CDC14B: variants seen among roughly 807,000 people sequenced by gnomAD.
The protein encoded by CDC14B is cell division cycle 14B, also known as dual specificity protein phosphatase CDC14B.
CDC14B carries 22 observed loss-of-function variants against 64.2 expected under a neutral mutation model. The observed-to-expected ratio is 0.34, with a 90% confidence interval of 0.24 to 0.49. The LOEUF is 0.49. Among genes scored for constraint, CDC14B ranks in the 20% least tolerant of loss-of-function variants. The pLI is 0.99. For synonymous variants in CDC14B, 191 were observed against 215.8 expected (o/e 0.89, Z 1.01); for missense variants, 498 against 629.9 (o/e 0.79, Z 2.24).
intron 4 of CDC14B, among the ~76,000 whole-genome samples, chr9:96,558,234 T>C (rs1473086193): frequency 2.0e-5 from 3 of 152,198 alleles, no homozygotes; most frequent in Admixed American, 2.0e-4. Context: ...TAGTGTTAGA[T>C]AGCACAGTAG....
chr9:96,577,936 T>G (rs188003701), intron 1 of CDC14B, among the ~76,000 whole-genome samples: 2 of 152,334 alleles, frequency 1.3e-5, no homozygotes, highest in African/African-American at 4.8e-5. Context: ...TGCCTGAGGC[T>G]ACAGCCACAC....
intron 1 of CDC14B, among the ~76,000 whole-genome samples, chr9:96,582,829 A>T (rs1431626415): frequency 6.6e-6 from 1 of 152,206 alleles, no homozygotes; most frequent in Admixed American, 6.5e-5. Context: ...TACTAATTAA[A>T]TTGATCAGGA....
chr9:96,615,814 CA>C (rs775655564), intron 1 of CDC14B, among the ~76,000 whole-genome samples: 90 of 152,250 alleles, frequency 5.9e-4, no homozygotes, highest in Non-Finnish European at 1.2e-3. Flanking sequence ...TCCTAATAGC[CA>C]AAAAGTCCAC....
Position 96,592,728 on chromosome 9 carries a change from G to A in CDC14B, c.160+26491C>T, listed in dbSNP as rs146308543. On this transcript the variant is annotated intron_variant, in intron 1 of 13. Transcript: ENST00000375241. ...GTGGAGGTTGCATTGAGCCAAGATC[G>A]CGCCACTGCAGTCCAGCTTGAGCAA... 4.9e-3 allele frequency among the ~76,000 whole-genome samples: 753 copies of A among 152,158 alleles called. 4 individuals carry two copies. The highest frequency in any genetic ancestry group is 0.044 in the Middle Eastern group (13 of 294).
intron 1 of CDC14B, among the ~76,000 whole-genome samples, chr9:96,590,835 C>A (rs1003592535): frequency 2.6e-5 from 4 of 152,090 alleles, no homozygotes; most frequent in African/African-American, 9.7e-5. Flanking sequence ...AGTAGCTGGG[C>A]CTACATACAG....
At position 96,500,503 on chromosome 9, in the gene CDC14B, TTC is replaced by T. The variant is rs1833469703; in HGVS notation, c.*3248_*3249del. On this transcript the variant is annotated 3_prime_UTR_variant, in exon 14 of 14. Coordinates refer to ENST00000375241, the MANE Select transcript of CDC14B (RefSeq NM_033331.4). Reference sequence around the variant, plus strand: ...ATCGGATGAACATGTCTGCTGACAATTCTACCAGGTAATTAAGGAGGTAATTT... The same window carrying T: ...ATCGGATGAACATGTCTGCTGACAATTACCAGGTAATTAAGGAGGTAATTT... 1 of 146,206 alleles carries T rather than the reference TTC, an allele frequency of 6.8e-6. No homozygotes were observed. The highest frequency in any genetic ancestry group is 1.5e-5 in the Non-Finnish European group (1 of 65,714). The allele number at this position is 146,206 out of a possible 1,614,324, so 9.1% of individuals were successfully genotyped here.
chr9:96,525,670 T>C (rs1187791625), intron 9 of CDC14B, among the ~76,000 whole-genome samples: 1 of 152,232 alleles, frequency 6.6e-6, no homozygotes. Flanking sequence ...AGAAGCTCTT[T>C]CTTCTGGTTT....
chr9:96,539,416 A>G (rs761807110), intron 6 of CDC14B, among the ~76,000 whole-genome samples: 4 of 152,244 alleles, frequency 2.6e-5, no homozygotes, highest in Middle Eastern at 3.4e-3. Flanking sequence ...CAGTCATCCT[A>G]TCCATGTATT....
intron 12 of CDC14B, among the ~76,000 whole-genome samples, chr9:96,519,071 G>C (rs1229671549): frequency 6.6e-6 from 1 of 152,116 alleles, no homozygotes; most frequent in African/African-American, 2.4e-5. Context: ...AGGAGGCGGA[G>C]CTTGCAGTGA....
At chr9:96,566,697 C>T (rs1844012406) in intron 1 of CDC14B, 1 of 1,475,060 alleles carries the variant, frequency 6.8e-7, no homozygotes, top group African/African-American at 1.4e-5. Flanking sequence ...CACCTCCAAG[C>T]CAGCACTGCC....
chr9:96,562,131 A>G (rs17840740), intron 4 of CDC14B, among the ~76,000 whole-genome samples: 302 of 152,340 alleles, frequency 2.0e-3, no homozygotes, highest in African/African-American at 7.0e-3. Flanking sequence ...ACTTGATGGC[A>G]TATGTATGTA....
intron 4 of CDC14B, among the ~76,000 whole-genome samples, chr9:96,552,773 G>A (rs1265088335): frequency 2.0e-5 from 3 of 152,078 alleles, no homozygotes; most frequent in African/African-American, 7.2e-5. Context: ...TTCCTGCAGG[G>A]CCCTTTCAAC....
At chr9:96,497,110 G>A (rs1041428602), downstream of CDC14B, among the ~76,000 whole-genome samples, 11 of 152,194 alleles carry the variant, frequency 7.2e-5, no homozygotes, top group African/African-American at 2.7e-4. Flanking sequence ...CAAAGCACAC[G>A]GTGGCCCTCC....
chr9:96,562,521 G>A, intron 4 of CDC14B, 172 bp downstream of exon 4: 1 of 604,364 alleles, frequency 1.7e-6, no homozygotes, highest in Non-Finnish European at 3.0e-6. Context: ...TCATCTACCT[G>A]CTACTTCCAC....
In CDC14B at chr9:96,561,782, C is replaced by T. The variant is rs568211574; in HGVS notation, c.420+911G>A. On this transcript the variant is annotated intron_variant, in intron 4 of 13. Transcript: ENST00000375241. ...GATTACAGGCGTAAGCCACTGCGCCCGGCCAAAACAACCCTTTTTTTCAAG... is the reference window on the plus strand; with the variant it reads ...GATTACAGGCGTAAGCCACTGCGCCTGGCCAAAACAACCCTTTTTTTCAAG... Among the ~76,000 whole-genome samples, 10 of 152,158 alleles carry T rather than the reference C, an allele frequency of 6.6e-5. No individual in the cohort carries two copies. The South Asian group carries it at 1.5e-3, about 22-fold the overall frequency.
At chr9:96,534,182 T>C (rs1838945529) in intron 8 of CDC14B, 25 bp from the exon 9 acceptor site, 2 of 1,388,146 alleles carry the variant, frequency 1.4e-6, no homozygotes, top group Non-Finnish European at 2.0e-6. Flanking sequence ...GCACCAGATC[T>C]TATAAAACAC....
downstream of CDC14B, among the ~76,000 whole-genome samples, chr9:96,495,672 G>A (rs145502909): frequency 6.3e-4 from 96 of 152,300 alleles, 4 homozygotes; most frequent in East Asian, 9.3e-3. Context: ...GAGGGAAGGT[G>A]GATAGAAAGA....
At chr9:96,588,975 C>T (rs1206506690) in intron 1 of CDC14B, among the ~76,000 whole-genome samples, 1 of 151,840 alleles carries the variant, frequency 6.6e-6, no homozygotes, top group East Asian at 1.9e-4. Context: ...GACAAAATAC[C>T]ACTAGAAAGC....
At chr9:96,517,631 A>G (rs1446977889) in intron 12 of CDC14B, among the ~76,000 whole-genome samples, 1 of 122,222 alleles carries the variant, frequency 8.2e-6, no homozygotes, top group Non-Finnish European at 1.7e-5. Context: ...GCGACAGAGC[A>G]AGACTCCGTC....
Sources: allele counts gnomAD v4.1 joint callset (sites outside exome capture counted in the v4.1 genomes callset), GRCh38; gene constraint gnomAD v4.1.1; transcripts MANE v1.5; gene names NCBI Gene and HGNC (gene_info 2026-07-23, HGNC 2026-07-21).